Variants in TM9SF2 observed in about 807,000 individuals in gnomAD.
TM9SF2 encodes 76 kDa membrane protein.
TM9SF2 carries 13 observed loss-of-function variants against 84.9 expected under a neutral mutation model. The ratio of observed to expected loss-of-function variants is 0.15; its 90% confidence interval spans 0.10 to 0.24. The LOEUF (loss-of-function observed/expected upper bound fraction) is 0.24. TM9SF2 is among the 10% of genes least tolerant of loss of function. TM9SF2 has a pLI of 1.00. For missense variants in TM9SF2, 562 were observed against 818.5 expected, an observed-to-expected ratio of 0.69 and a Z score of 3.82; for synonymous variants, 273 against 285.8, an observed-to-expected ratio of 0.96 and a Z score of 0.45.
rs747291780 is a variant in TM9SF2, at chr13:99,536,602, G to A, written c.462-6G>A. 4 of 1,612,450 alleles carry A rather than the reference G, an allele frequency of 2.5e-6. No homozygotes were observed. The highest frequency in any genetic ancestry group is 1.7e-5 in the Admixed American group (1 of 59,912). ...TTTCTAACTTAACTCCTCTTTCCATGTGTAGGATTGTGGATAATATGCCTG... is the reference window on the plus strand; with the variant it reads ...TTTCTAACTTAACTCCTCTTTCCATATGTAGGATTGTGGATAATATGCCTG... On this transcript the variant is annotated splice_region_variant and splice_polypyrimidine_tract_variant and intron_variant, in intron 4 of 16. Coordinates refer to ENST00000376387, the MANE Select transcript of TM9SF2 (RefSeq NM_004800.3).
chr13:99,539,449 C>T lies in TM9SF2; in HGVS notation c.720C>T (p.Phe240=), dbSNP rs962348724. 1 of 1,603,576 alleles carries T rather than the reference C, an allele frequency of 6.2e-7. No homozygotes were observed. The highest frequency in any genetic ancestry group is 1.3e-5 in the African/African-American group (1 of 74,670). The change falls in exon 7 of 17, where the codon TTC becomes TTT. Residue 240 remains phenylalanine, a synonymous_variant. Coordinates refer to ENST00000376387, the MANE Select transcript of TM9SF2 (RefSeq NM_004800.3). ...LVAAKLEPKS[F]KHTHIDKPDC... ...GCCAAAATGTTTCTTCCCACAGCTT[C>T]AAACATACCCATATAGATAAACCAG... is the stretch of plus-strand genomic sequence containing the variant.
At chr13:99,537,454 T>G (rs1478186552) in intron 5 of TM9SF2, among the ~76,000 whole-genome samples, 2 of 152,170 alleles carry the variant, frequency 1.3e-5, no homozygotes, top group African/African-American at 4.8e-5. Flanking sequence ...TAAATTTTAT[T>G]TTGTTTCATT....
chr13:99,546,376 G>T (rs1043612917), intron 10 of TM9SF2, among the ~76,000 whole-genome samples: 4 of 152,128 alleles, frequency 2.6e-5, no homozygotes, highest in Admixed American at 2.6e-4. Flanking sequence ...TCATTAGTAG[G>T]AAGGCTTACA....
chr13:99,513,967 C>CTTAT (rs1566563524), intron 1 of TM9SF2, among the ~76,000 whole-genome samples: 1 of 152,062 alleles, frequency 6.6e-6, no homozygotes, highest in Non-Finnish European at 1.5e-5. Flanking sequence ...CTTGGATAGA[C>CTTAT]TAATAAAATT....
rs116954315 is a variant in TM9SF2 at position 99,553,688 on chromosome 13, A to G, written c.1489-616A>G. Among the ~76,000 whole-genome samples the G allele has an allele frequency of 5.9e-5, 9 of 152,344 alleles. No homozygotes were observed. In the East Asian group the frequency reaches 1.3e-3, roughly 23 times the overall value. ...CTTTCTTACAAGGAAATGACTTTCTACATCTGTACTGTCTTCCCCCCTCAT... is the reference window on the plus strand; with the variant it reads ...CTTTCTTACAAGGAAATGACTTTCTGCATCTGTACTGTCTTCCCCCCTCAT... On this transcript the variant is annotated intron_variant, in intron 13 of 16. Transcript: ENST00000376387.
Position 99,562,760 on chromosome 13 carries a change from G to GA in TM9SF2, c.*4dup. 2.5e-6 allele frequency: 4 copies of GA among 1,612,548 alleles called. No individual in the cohort carries two copies. The highest frequency in any genetic ancestry group is 3.4e-6 in the Non-Finnish European group (4 of 1,179,386). On this transcript the variant is annotated 3_prime_UTR_variant, in exon 17 of 17. Coordinates refer to ENST00000376387, the MANE Select transcript of TM9SF2 (RefSeq NM_004800.3). ...TACAGTGTGGTGAAGGTTGACTGAA[G>GA]AAGTCCAGTGTGTCCAGTTAAAACA...
chr13:99,516,156 C>T (rs192000755), intron 1 of TM9SF2, among the ~76,000 whole-genome samples: 17 of 152,216 alleles, frequency 1.1e-4, no homozygotes, highest in African/African-American at 3.6e-4. Context: ...GTGATGGCCC[C>T]GGGATTTGAA....
intron 10 of TM9SF2, among the ~76,000 whole-genome samples, chr13:99,544,624 G>C (rs1566571268): frequency 6.6e-6 from 1 of 152,196 alleles, no homozygotes; most frequent in Non-Finnish European, 1.5e-5. Context: ...ATCGTGGGCA[G>C]GCACAGTCTG....
At chr13:99,545,982 T>C (rs1566571566) in intron 10 of TM9SF2, among the ~76,000 whole-genome samples, 1 of 152,196 alleles carries the variant, frequency 6.6e-6, no homozygotes, top group Non-Finnish European at 1.5e-5. Flanking sequence ...TAGGATAGAA[T>C]ACGATGGGAA....
In TM9SF2 at chr13:99,501,638, C is replaced by T; in HGVS notation, c.32C>T (p.Pro11Leu). Residue 11 changes from proline (P) to leucine (L), a missense_variant, in exon 1 of 17, where the codon CCT (proline) becomes CTT (leucine). Transcript: ENST00000376387. ...GCGAGGCTGCCGGTGTTGTCTCCACCTCGGTGGCCGCGGCTGTTGCTGCTG... is the reference window on the plus strand; with the variant it reads ...GCGAGGCTGCCGGTGTTGTCTCCACTTCGGTGGCCGCGGCTGTTGCTGCTG... MSARLPVLSP[P>L]RWPRLLLLSL... 6.2e-7 allele frequency: 1 copy of T among 1,613,254 alleles called. No individual in the cohort carries two copies. The highest frequency in any genetic ancestry group is 8.5e-7 in the Non-Finnish European group (1 of 1,179,646).
chr13:99,540,094 G>T (rs1335137820), intron 7 of TM9SF2, among the ~76,000 whole-genome samples: 1 of 152,010 alleles, frequency 6.6e-6, no homozygotes, highest in Non-Finnish European at 1.5e-5. Flanking sequence ...TTCCGATTGG[G>T]AGATTGTCTT....
intron 1 of TM9SF2, among the ~76,000 whole-genome samples, chr13:99,511,018 C>T (rs1010149905): frequency 2.6e-5 from 4 of 152,068 alleles, no homozygotes; most frequent in Non-Finnish European, 5.9e-5. Context: ...AAATTGGCTT[C>T]TCCTGAGATC....
At chr13:99,541,729 A>G (rs537371598) in intron 9 of TM9SF2, 62 bp downstream of exon 9, 1 of 1,072,824 alleles carries the variant, frequency 9.3e-7, no homozygotes, top group East Asian at 2.7e-5. Context: ...ATTTTGCAAA[A>G]AGGTAAAATA....
chr13:99,506,077 T>G (rs1369870490), intron 1 of TM9SF2, among the ~76,000 whole-genome samples: 1 of 152,212 alleles, frequency 6.6e-6, no homozygotes, highest in African/African-American at 2.4e-5. Flanking sequence ...GGAAAATTAC[T>G]CAGTCATACT....
At chr13:99,548,688 C>T (rs1224784197) in intron 11 of TM9SF2, among the ~76,000 whole-genome samples, 1 of 152,174 alleles carries the variant, frequency 6.6e-6, no homozygotes, top group African/African-American at 2.4e-5. Flanking sequence ...CTGACACACG[C>T]ACCTCCTAGG....
Position 99,520,169 on chromosome 13 carries a change from C to A in TM9SF2, c.333+40C>A, listed in dbSNP as rs770215102. 7 of 1,535,872 alleles carry A rather than the reference C, an allele frequency of 4.6e-6. No homozygotes were observed. The African/African-American group carries it at 5.6e-5, about 12-fold the overall frequency. On this transcript the variant is annotated intron_variant, in intron 3 of 16. Transcript: ENST00000376387. ...TTACATAATAATTATTTACTTACAG[C>A]TTTTGTTTTTGTTATTTAAGAAAAG...
intron 12 of TM9SF2, among the ~76,000 whole-genome samples, chr13:99,550,961 A>G (rs1263172534): frequency 6.6e-6 from 1 of 152,240 alleles, no homozygotes; most frequent in Non-Finnish European, 1.5e-5. Flanking sequence ...TTATTTATAG[A>G]TAACATTATT....
intron 8 of TM9SF2, among the ~76,000 whole-genome samples, chr13:99,541,333 T>C (rs1453019497): frequency 6.6e-6 from 1 of 152,216 alleles, no homozygotes; most frequent in African/African-American, 2.4e-5. Flanking sequence ...AAAATTCTAG[T>C]TCTAAACAGA....
At chr13:99,543,709 C>T (rs1477707919) in intron 9 of TM9SF2, among the ~76,000 whole-genome samples, 154 bp from the exon 10 acceptor site, 1 of 152,166 alleles carries the variant, frequency 6.6e-6, no homozygotes, top group Non-Finnish European at 1.5e-5. Context: ...CTCCATGAGT[C>T]AAGCTGTATT....
Sources: allele counts gnomAD v4.1 joint callset (sites outside exome capture counted in the v4.1 genomes callset), GRCh38; gene constraint gnomAD v4.1.1; transcripts MANE v1.5; gene names NCBI Gene and HGNC (gene_info 2026-07-23, HGNC 2026-07-21).